The following RAF1 variants were observed in gnomAD, a reference collection of about 807,000 sequenced individuals.
The protein encoded by RAF1 is Raf-1 proto-oncogene, serine/threonine kinase, also known as RAF proto-oncogene serine/threonine-protein kinase.
RAF1 carries 27 observed loss-of-function variants against 81.1 expected under a neutral mutation model. That is an observed-to-expected ratio of 0.33 (90% CI 0.25 to 0.46). The LOEUF is 0.46. Among genes scored for constraint, RAF1 ranks in the 20% least tolerant of loss-of-function variants. The pLI, the probability that RAF1 is intolerant of heterozygous loss-of-function variation, is 1.00. For synonymous variants in RAF1, 298 were observed against 294.0 expected (o/e 1.01, Z -0.14); for missense variants, 598 against 826.0 (o/e 0.72, Z 3.38).
rs2058360019 is a variant in RAF1, at chr3:12,587,292, A to G, written c.1477+299T>C. 2.3e-5 allele frequency: 11 copies of G among 468,224 alleles called. No individual in the cohort carries two copies. The Admixed American group carries it at 3.9e-4, about 17-fold the overall frequency. The allele number at this position is 468,224 out of a possible 1,614,324, so 29.0% of individuals were successfully genotyped here. ...TCCCCGTCAGGTTACATTTACTAAT[A>G]GTGTGATAAAATTATGCCTATTTCA... On this transcript the variant is annotated intron_variant, in intron 14 of 17. Coordinates refer to ENST00000442415, the MANE Select transcript of RAF1 (RefSeq NM_001354689.3).
Position 12,663,804 on chromosome 3 carries a change from G to GC in RAF1, c.-27+8dup. 1 of 397,078 alleles carries GC rather than the reference G, an allele frequency of 2.5e-6. No individual in the cohort carries two copies. The highest frequency in any genetic ancestry group is 4.4e-6 in the Non-Finnish European group (1 of 225,286). The allele number at this position is 397,078 out of a possible 1,614,324, so 24.6% of individuals were successfully genotyped here. ...CCCCCGGCATCCACGACCCGGTCCT[G>GC]CCACCTACCTGAGGGAGCCAGGCCG... On this transcript the variant is annotated intron_variant, in intron 1 of 17. Coordinates refer to ENST00000442415, the MANE Select transcript of RAF1 (RefSeq NM_001354689.3).
intron 6 of RAF1, among the ~76,000 whole-genome samples, chr3:12,605,248 T>TTGTGTGTGTGTGTGTGTG (rs745742208): frequency 8.1e-5 from 9 of 111,654 alleles, no homozygotes; most frequent in African/African-American, 9.6e-5. Context: ...TGATTACACA[T>TTGTGTGTGTGTGTGTGTG]TATGTGTGTG....
rs1200070751 is a variant in RAF1 at position 12,655,272 on chromosome 3, G to A, written c.-27+8541C>T. Among the ~76,000 whole-genome samples, 3 of 152,122 alleles carry A rather than the reference G, an allele frequency of 2.0e-5. No individual in the cohort carries two copies. In the East Asian group the frequency reaches 5.8e-4, roughly 29 times the overall value. On this transcript the variant is annotated intron_variant, in intron 1 of 17. Transcript: ENST00000442415. ...GAATTTTTTTTGTACTTTTAGTAGA[G>A]ACGGGGTTTCACCATGTTGGCCAGG...
At chr3:12,638,398 T>C (rs1357903355) in intron 1 of RAF1, among the ~76,000 whole-genome samples, 1 of 152,186 alleles carries the variant, frequency 6.6e-6, no homozygotes, top group African/African-American at 2.4e-5. Context: ...CATGGAGTAA[T>C]TGTTGACTGG....
At chr3:12,584,687 A>G (rs761993728) in intron 17 of RAF1, 30 bp from the exon 17 acceptor site, 2 of 1,614,094 alleles carry the variant, frequency 1.2e-6, no homozygotes, top group Non-Finnish European at 1.7e-6. Context: ...TGCTCTCATT[A>G]GCTGTGTCTC....
intron 1 of RAF1, among the ~76,000 whole-genome samples, chr3:12,620,268 G>A (rs184697667): frequency 1.0e-3 from 153 of 152,048 alleles, no homozygotes; most frequent in African/African-American, 3.5e-3. Flanking sequence ...CCGAGTAGCC[G>A]GGATTACAGG....
chr3:12,619,805 G>A (rs749608488), intron 1 of RAF1, among the ~76,000 whole-genome samples: 22 of 151,272 alleles, frequency 1.5e-4, no homozygotes, highest in Admixed American at 6.6e-4. Context: ...ATCTCAAGCC[G>A]GGCATGGTGG....
intron 1 of RAF1, among the ~76,000 whole-genome samples, chr3:12,663,316 A>G (rs1395126821): frequency 2.6e-5 from 4 of 152,214 alleles, no homozygotes; most frequent in Non-Finnish European, 5.9e-5. Context: ...ATACCCAAGA[A>G]GAGGCCCCTG....
intron 1 of RAF1, among the ~76,000 whole-genome samples, chr3:12,651,583 G>T: frequency 6.6e-6 from 1 of 151,070 alleles, no homozygotes; most frequent in East Asian, 1.9e-4. Flanking sequence ...GCAGTGAGCT[G>T]AGATCGGTTG....
At chr3:12,630,785 G>A (rs2059836975) in intron 1 of RAF1, among the ~76,000 whole-genome samples, 1 of 152,118 alleles carries the variant, frequency 6.6e-6, no homozygotes, top group African/African-American at 2.4e-5. Flanking sequence ...CAGAGGAAAG[G>A]CACAAAAGGC....
At chr3:12,622,496 A>C (rs540399773) in intron 1 of RAF1, among the ~76,000 whole-genome samples, 2 of 152,210 alleles carry the variant, frequency 1.3e-5, no homozygotes, top group African/African-American at 4.8e-5. Flanking sequence ...CTGAAACCCC[A>C]AAAACAGGCA....
intron 1 of RAF1, among the ~76,000 whole-genome samples, chr3:12,635,435 G>A (rs911363656): frequency 3.3e-5 from 5 of 149,494 alleles, no homozygotes; most frequent in African/African-American, 9.8e-5. Flanking sequence ...TCAGGAGTTC[G>A]AGACCAGCCT....
chr3:12,591,105 A>G, intron 12 of RAF1, 131 bp from the exon 12 acceptor site: 1 of 808,844 alleles, frequency 1.2e-6, no homozygotes, highest in Non-Finnish European at 1.9e-6. Flanking sequence ...CCAGTCCCAA[A>G]AACAAACACA....
chr3:12,663,717 C>G (rs1219256863), intron 1 of RAF1, 96 bp downstream of exon 1: 6 of 393,878 alleles, frequency 1.5e-5, no homozygotes, highest in Non-Finnish European at 2.2e-5. Context: ...CGGGGCCGCT[C>G]CATCAGCGCC....
Position 12,624,726 on chromosome 3 carries a change from G to A in RAF1, c.-26-5979C>T, listed in dbSNP as rs148445208. On this transcript the variant is annotated intron_variant, in intron 1 of 17. Transcript: ENST00000442415. ...TTAAAAAGAGAGACATGTTGGCCGGGCACAGTGGATCACCCCTGTAATCCC... is the reference window on the plus strand; with the variant it reads ...TTAAAAAGAGAGACATGTTGGCCGGACACAGTGGATCACCCCTGTAATCCC... Among the ~76,000 whole-genome samples, 1,093 of 152,092 alleles carry A rather than the reference G, an allele frequency of 7.2e-3. 9 individuals carry two copies. Among genetic ancestry groups the A allele is most frequent in the Non-Finnish European group, 9.0e-3 (612 of 67,990 alleles).
chr3:12,626,181 T>C (rs13069889), intron 1 of RAF1, among the ~76,000 whole-genome samples: 2 of 148,160 alleles, frequency 1.3e-5, no homozygotes, highest in Non-Finnish European at 3.0e-5. Flanking sequence ...GAGGTGGAGG[T>C]TGCAGTGAGC....
Position 12,632,778 on chromosome 3 carries a change from T to C in RAF1, c.-26-14031A>G, listed in dbSNP as rs569847352. Among the ~76,000 whole-genome samples, 9 of 152,356 alleles carry C rather than the reference T, an allele frequency of 5.9e-5. No individual in the cohort carries two copies. The East Asian group carries it at 1.3e-3, about 23-fold the overall frequency. ...GCATGATTGAGTTTTCACACTCATG[T>C]GTGAGATGTGCCTTCTTCAAACCTT... is the stretch of plus-strand genomic sequence containing the variant. On this transcript the variant is annotated intron_variant, in intron 1 of 17. Coordinates refer to ENST00000442415, the MANE Select transcript of RAF1 (RefSeq NM_001354689.3).
rs576518886 is a variant in RAF1, at chr3:12,583,983, G to A, written c.*531C>T. ...CGTGTCCCCTAAGAAAAGTTCCATA[G>A]TACCAAAGCAGGCTCCTTCGGGCGG... On this transcript the variant is annotated 3_prime_UTR_variant, in exon 18 of 18. Transcript: ENST00000442415. The A allele has an allele frequency of 4.8e-5, 12 of 251,104 alleles. No homozygotes were observed. The highest frequency in any genetic ancestry group is 2.9e-4 in the Admixed American group (6 of 20,784). The allele number at this position is 251,104 out of a possible 1,614,324, so 15.6% of individuals were successfully genotyped here. A position where few individuals can be genotyped will look rare whatever the true frequency, so the allele number is the denominator to read the frequency against.
chr3:12,600,325 G>A (rs1199040274), intron 9 of RAF1, 46 bp from the exon 9 acceptor site: 15 of 1,614,026 alleles, frequency 9.3e-6, no homozygotes, highest in Non-Finnish European at 1.3e-5. Context: ...TAAGCCAACA[G>A]AAGATACACC....
Sources: allele counts gnomAD v4.1 joint callset (sites outside exome capture counted in the v4.1 genomes callset), GRCh38; gene constraint gnomAD v4.1.1; transcripts MANE v1.5; gene names NCBI Gene and HGNC (gene_info 2026-07-23, HGNC 2026-07-21).